FAM184A: variants seen among roughly 807,000 people sequenced by gnomAD.
FAM184A encodes the protein family with sequence similarity 184 member A, also known as protein FAM184A.
Under a neutral mutation model 143.8 loss-of-function variants are expected in FAM184A, and 99 were observed. The observed-to-expected ratio is 0.69, with a 90% CI of 0.58 to 0.81. The LOEUF (loss-of-function observed/expected upper bound fraction) is 0.81. Ranked by LOEUF, FAM184A falls within the 40% of genes least tolerant of loss-of-function variation. The probability of loss-of-function intolerance (pLI) is 0.00; values close to 1 mark genes in which losing one functional copy is unlikely to be tolerated. For missense variants in FAM184A, 1,217 were observed against 1,310.5 expected, an observed-to-expected ratio of 0.93 and a Z score of 1.10; for synonymous variants, 427 against 446.4, an observed-to-expected ratio of 0.96 and a Z score of 0.55.
At chr6:119,058,075 A>G (rs1787066676) in intron 1 of FAM184A, 1 of 149,298 alleles carries the variant, frequency 6.7e-6, no homozygotes, top group South Asian at 2.1e-4. Flanking sequence ...GGCAGACTAT[A>G]TTTCCCAAAG....
chr6:119,127,873 C>T (rs567658205), intron 1 of FAM184A, among the ~76,000 whole-genome samples: 29 of 152,228 alleles, frequency 1.9e-4, no homozygotes, highest in African/African-American at 5.1e-4. Flanking sequence ...ATTCATTGAC[C>T]GTCTACTTTG....
intron 15 of FAM184A, among the ~76,000 whole-genome samples, chr6:118,966,414 G>A (rs1783502106): frequency 6.6e-6 from 1 of 152,038 alleles, no homozygotes; most frequent in Non-Finnish European, 1.5e-5. Context: ...GTGTTTGCTA[G>A]GACACATTTT....
chr6:119,105,772 T>A (rs776207138), intron 1 of FAM184A, among the ~76,000 whole-genome samples: 4 of 152,218 alleles, frequency 2.6e-5, no homozygotes, highest in Non-Finnish European at 5.9e-5. Context: ...AAAGCTGGTC[T>A]TGCCCTTTCA....
chr6:119,112,282 A>G (rs551962371), intron 1 of FAM184A, among the ~76,000 whole-genome samples: 4 of 151,700 alleles, frequency 2.6e-5, no homozygotes, highest in Admixed American at 6.6e-5. Flanking sequence ...CAGGCACGTT[A>G]CATGCCCGGC....
chr6:119,127,013 T>G (rs915977288), intron 1 of FAM184A, among the ~76,000 whole-genome samples: 2 of 152,148 alleles, frequency 1.3e-5, no homozygotes, highest in African/African-American at 4.8e-5. Flanking sequence ...GCTGTTTCCT[T>G]TTCTCTGCCA....
At chr6:118,997,664 T>G (rs750253262) in intron 9 of FAM184A, among the ~76,000 whole-genome samples, 3 of 151,538 alleles carry the variant, frequency 2.0e-5, no homozygotes, top group Non-Finnish European at 4.4e-5. Flanking sequence ...CAACTGCACT[T>G]CAGCCTGGGT....
upstream of FAM184A, among the ~76,000 whole-genome samples, chr6:119,081,344 C>T (rs1449540899): frequency 6.6e-6 from 1 of 152,184 alleles, no homozygotes; most frequent in Non-Finnish European, 1.5e-5. Context: ...GCAGGGCGTG[C>T]AATGGGAGTG....
At chr6:119,062,515 C>T (rs1283537227) in intron 1 of FAM184A, among the ~76,000 whole-genome samples, 1 of 151,880 alleles carries the variant, frequency 6.6e-6, no homozygotes, top group Non-Finnish European at 1.5e-5. Context: ...AAAAATTAGC[C>T]GGGTGTGGTG....
chr6:119,093,444 C>G (rs1009453851), intron 1 of FAM184A, among the ~76,000 whole-genome samples: 1 of 152,212 alleles, frequency 6.6e-6, no homozygotes. Flanking sequence ...TCTCACTTAC[C>G]TATCCTATTC....
At chr6:119,103,123 G>A (rs771653356) in intron 1 of FAM184A, among the ~76,000 whole-genome samples, 7 of 152,154 alleles carry the variant, frequency 4.6e-5, no homozygotes, top group Admixed American at 3.3e-4. Flanking sequence ...CCTGGTTCTT[G>A]TCCATGACAA....
chr6:119,093,478 C>T (rs967883262), intron 1 of FAM184A, among the ~76,000 whole-genome samples: 11 of 152,150 alleles, frequency 7.2e-5, no homozygotes, highest in Non-Finnish European at 1.3e-4. Context: ...CAGATTTATT[C>T]CCATAGATCT....
chr6:118,985,637 C>A (rs1259967008), intron 9 of FAM184A, among the ~76,000 whole-genome samples: 2 of 152,174 alleles, frequency 1.3e-5, no homozygotes, highest in South Asian at 2.1e-4. Flanking sequence ...TCCTTTCTTC[C>A]CAGTTGGCTG....
At chr6:118,980,690 A>G (rs955129594) in intron 9 of FAM184A, among the ~76,000 whole-genome samples, 3 of 152,224 alleles carry the variant, frequency 2.0e-5, no homozygotes, top group African/African-American at 7.2e-5. Context: ...TAACATATTC[A>G]TTAGGTTATA....
chr6:119,070,601 T>C (rs1787645868), intron 1 of FAM184A, among the ~76,000 whole-genome samples: 1 of 151,208 alleles, frequency 6.6e-6, no homozygotes, highest in Non-Finnish European at 1.5e-5. Flanking sequence ...ATTTATAACA[T>C]TGTTTTTCTT....
At chr6:119,137,588 T>C (rs1218096663) in intron 1 of FAM184A, among the ~76,000 whole-genome samples, 1 of 152,238 alleles carries the variant, frequency 6.6e-6, no homozygotes, top group Non-Finnish European at 1.5e-5. Context: ...AGTAGGCACC[T>C]ACTATGGGAC....
intron 14 of FAM184A, among the ~76,000 whole-genome samples, chr6:118,967,398 C>T (rs1234884326): frequency 6.6e-6 from 1 of 152,080 alleles, no homozygotes; most frequent in Non-Finnish European, 1.5e-5. Flanking sequence ...GGACAAGAAA[C>T]AAATACAGAT....
At chr6:119,101,259 A>G (rs1026763346) in intron 1 of FAM184A, among the ~76,000 whole-genome samples, 1 of 151,512 alleles carries the variant, frequency 6.6e-6, no homozygotes, top group Non-Finnish European at 1.5e-5. Context: ...TTTAGTAGAG[A>G]CGGGGTTTCT....
rs565173170 is a variant in FAM184A, at chr6:119,003,438, T to C, written c.1937+63A>G. The C allele has an allele frequency of 6.0e-6, 9 of 1,496,392 alleles. No individual in the cohort carries two copies. In the African/African-American group the frequency reaches 1.3e-4, roughly 21 times the overall value. The allele number at this position is 1,496,392 out of a possible 1,614,324, so 92.7% of individuals were successfully genotyped here. A position where few individuals can be genotyped will look rare whatever the true frequency, so the allele number is the denominator to read the frequency against. ...GTCTTTAACAATAGGATAATGTGAG[T>C]CATACAAGAGAAAAACTTTCTTGCA... On this transcript the variant is annotated intron_variant, in intron 8 of 17. Transcript: ENST00000338891.
At chr6:119,001,928 T>C (rs1428657432) in intron 9 of FAM184A, among the ~76,000 whole-genome samples, 1 of 152,180 alleles carries the variant, frequency 6.6e-6, no homozygotes, top group African/African-American at 2.4e-5. Flanking sequence ...GTAAAAGTTG[T>C]TCCCTTGTTC....
Sources: allele counts gnomAD v4.1 joint callset (sites outside exome capture counted in the v4.1 genomes callset), GRCh38; gene constraint gnomAD v4.1.1; transcripts MANE v1.5; gene names NCBI Gene and HGNC (gene_info 2026-07-23, HGNC 2026-07-21).